The following SGSM1 variants were observed in gnomAD, a reference collection of about 807,000 sequenced individuals.
SGSM1 encodes RUN and TBC1 domain containing 2.
Under a neutral mutation model 133.8 loss-of-function variants are expected in SGSM1, and 73 were observed. The ratio of observed to expected loss-of-function variants is 0.55; its 90% CI spans 0.45 to 0.66. The LOEUF is 0.66. Among genes scored for constraint, SGSM1 ranks in the 30% least tolerant of loss-of-function variants. The pLI, the probability that SGSM1 is intolerant of heterozygous loss-of-function variation, is 0.00. For missense variants in SGSM1, 1,213 were observed against 1,448.1 expected, an observed-to-expected ratio of 0.84 and a Z score of 2.64; for synonymous variants, 563 against 573.0, an observed-to-expected ratio of 0.98 and a Z score of 0.25.
intron 5 of SGSM1, among the ~76,000 whole-genome samples, chr22:24,851,204 G>A (rs946754342): frequency 2.0e-5 from 3 of 152,044 alleles, no homozygotes; most frequent in Non-Finnish European, 4.4e-5. Context: ...TATAGTGTGA[G>A]CCCTCTTGGG....
intron 20 of SGSM1, among the ~76,000 whole-genome samples, chr22:24,903,208 CT>C (rs879539226): frequency 0.01 from 1,470 of 142,600 alleles, 9 homozygotes; most frequent in Non-Finnish European, 0.011. Flanking sequence ...TATGAATGTA[CT>C]TTTTTTTTTT....
rs746574213 is a variant in SGSM1 at position 24,855,393 on chromosome 22, T to C, written c.632T>C (p.Val211Ala). 17 of 1,613,402 alleles carry C rather than the reference T, an allele frequency of 1.1e-5. No homozygotes were observed. Among genetic ancestry groups the C allele is most frequent in the Non-Finnish European group, 1.4e-5 (16 of 1,179,798 alleles). Residue 211 changes from valine (V) to alanine (A), a missense_variant, in exon 7 of 25, where the codon GTG becomes GCG. Physicochemically the swap from Val to Ala is moderately conservative, Grantham distance 64. Transcript: ENST00000400358. ...AGGCACCGCATCCACAGCTCCCACGTGCGGCAGGACTCGCCCACCAAGCGT... is the reference window on the plus strand; with the variant it reads ...AGGCACCGCATCCACAGCTCCCACGCGCGGCAGGACTCGCCCACCAAGCGT... ...VQRHRIHSSH[V>A]RQDSPTKRPA...
At chr22:24,914,482 CA>C (rs139769) in intron 22 of SGSM1, among the ~76,000 whole-genome samples, 27 of 148,322 alleles carry the variant, frequency 1.8e-4, no homozygotes, top group South Asian at 1.7e-3. Flanking sequence ...TCCCCCCCCC[CA>C]AAAAAAAATT....
rs1486329619 is a variant in SGSM1, at chr22:24,898,486, C to A, written c.2537C>A (p.Ala846Asp). The A allele has an allele frequency of 4.3e-6, 7 of 1,613,770 alleles. No homozygotes were observed. The highest frequency in any genetic ancestry group is 1.6e-4 in the Middle Eastern group (1 of 6,082). ...EEPEMESLFP[A>D]LASLAVTTSA... is the part of the protein sequence containing the mutation. ...CCTGAGATGGAAAGTCTCTTCCCTG[C>A]CCTGGCTTCTCTGGCTGTGACTACT... Residue 846 changes from alanine to aspartate, a missense_variant, in exon 19 of 25, where the codon GCC (alanine) becomes GAC (aspartate). By Grantham distance (126) the Ala-to-Asp change is moderately radical. Coordinates refer to ENST00000400358, the MANE Select transcript of SGSM1 (RefSeq NM_001098497.3).
chr22:24,874,862 A>G (rs940829790), intron 12 of SGSM1, among the ~76,000 whole-genome samples: 2 of 152,218 alleles, frequency 1.3e-5, no homozygotes, highest in Non-Finnish European at 2.9e-5. Flanking sequence ...TGGTCAGTGC[A>G]TCCCTGAGAT....
At position 24,809,084 on chromosome 22, in the gene SGSM1, CT is replaced by C. The variant is rs367561669; in HGVS notation, c.63+2604del. On this transcript the variant is annotated intron_variant, in intron 2 of 24. Transcript: ENST00000400358. ...GAGGGAACAGGTTCCGTTCTTCTGT[CT>C]TTTGAGTTCCTATTCAACATAGGTA... Among the ~76,000 whole-genome samples, 549 of 152,312 alleles carry C rather than the reference CT, an allele frequency of 3.6e-3. 4 individuals are homozygous for C. The highest frequency in any genetic ancestry group is 0.012 in the African/African-American group (499 of 41,556).
intron 2 of SGSM1, among the ~76,000 whole-genome samples, chr22:24,841,211 C>T (rs1929790141): frequency 6.6e-6 from 1 of 152,232 alleles, no homozygotes; most frequent in Non-Finnish European, 1.5e-5. Context: ...TCTTCTTTGA[C>T]ACATTTATTA....
rs1371132173 is a variant in SGSM1 at position 24,859,710 on chromosome 22, C to T, written c.802-6C>T. 2 of 1,613,602 alleles carry T rather than the reference C, an allele frequency of 1.2e-6. No individual in the cohort carries two copies. Among genetic ancestry groups the T allele is most frequent in the African/African-American group, 2.7e-5 (2 of 74,940 alleles). ...TGGCCAGACCTGAGTCCTCCTCTCT[C>T]TGCAGAGGGACGACATGGAGGCTGT... On this transcript the variant is annotated splice_polypyrimidine_tract_variant and splice_region_variant and intron_variant, in intron 8 of 24. Transcript: ENST00000400358.
At chr22:24,858,458 C>G (rs1930932624) in intron 8 of SGSM1, among the ~76,000 whole-genome samples, 1 of 151,756 alleles carries the variant, frequency 6.6e-6, no homozygotes, top group Non-Finnish European at 1.5e-5. Flanking sequence ...CTACTAAAAC[C>G]TTATCTTTAC....
intron 13 of SGSM1, 74 bp from the exon 14 acceptor site, chr22:24,879,388 G>A (rs528242717): frequency 2.1e-5 from 30 of 1,432,896 alleles, no homozygotes; most frequent in Middle Eastern, 3.7e-4. Flanking sequence ...GAGATAGCAC[G>A]TGGTTATCCT....
chr22:24,818,853 A>C (rs1459726200), intron 2 of SGSM1, among the ~76,000 whole-genome samples: 1 of 152,040 alleles, frequency 6.6e-6, no homozygotes, highest in Non-Finnish European at 1.5e-5. Context: ...TCTGATAAAA[A>C]TAACAATAAT....
intron 8 of SGSM1, among the ~76,000 whole-genome samples, chr22:24,859,263 G>A (rs1930986292): frequency 6.7e-6 from 1 of 148,734 alleles, no homozygotes; most frequent in Admixed American, 6.6e-5. Flanking sequence ...GGAGTGTAGG[G>A]GGGGTTTTTG....
chr22:24,873,948 C>T (rs749064439), intron 12 of SGSM1, among the ~76,000 whole-genome samples: 1 of 152,134 alleles, frequency 6.6e-6, no homozygotes, highest in Non-Finnish European at 1.5e-5. Context: ...CTCTCCATGC[C>T]TCAGTTTTCT....
intron 16 of SGSM1, among the ~76,000 whole-genome samples, chr22:24,887,677 T>C (rs989034273): frequency 2.5e-4 from 34 of 134,764 alleles, no homozygotes; most frequent in African/African-American, 9.5e-4. Context: ...CAGTAGCACA[T>C]GCCTTTAGTC....
intron 12 of SGSM1, chr22:24,874,591 G>A: frequency 6.3e-7 from 1 of 1,579,384 alleles, no homozygotes; most frequent in East Asian, 2.3e-5. Flanking sequence ...TAATGTCTGG[G>A]ATCTCCCCGT....
chr22:24,884,253 C>G lies in SGSM1; in HGVS notation c.1641+55C>G, dbSNP rs1245980499. On this transcript the variant is annotated intron_variant, in intron 15 of 24. Transcript: ENST00000400358. Reference sequence around the variant, plus strand: ...GATGCAGAGGCTGCAGGGGGGTCATCTTATTATCTGAGAAATAAGCCCACA... The same window carrying G: ...GATGCAGAGGCTGCAGGGGGGTCATGTTATTATCTGAGAAATAAGCCCACA... 1.9e-6 allele frequency: 3 copies of G among 1,551,736 alleles called. No individual in the cohort carries two copies. In the African/African-American group the frequency reaches 4.1e-5, roughly 21 times the overall value.
chr22:24,836,687 A>G (rs554388942), intron 2 of SGSM1, among the ~76,000 whole-genome samples: 6 of 152,278 alleles, frequency 3.9e-5, no homozygotes, highest in Non-Finnish European at 8.8e-5. Context: ...TGCATTTCCC[A>G]TTGAACATCT....
At position 24,885,936 on chromosome 22, in the gene SGSM1, G is replaced by A. The variant is rs112765726; in HGVS notation, c.1642-664G>A. Among the ~76,000 whole-genome samples, 1,066 of 152,316 alleles carry A rather than the reference G, an allele frequency of 7.0e-3. 18 individuals carry two copies. Among genetic ancestry groups the A allele is most frequent in the African/African-American group, 0.024 (1,016 of 41,562 alleles). On this transcript the variant is annotated intron_variant, in intron 15 of 24. Transcript: ENST00000400358. ...TCTGAGGGCTAGGTCCAAGAAGCAGGACTGCTGGACCACGGAAGTAGATCA... is the reference window on the plus strand; with the variant it reads ...TCTGAGGGCTAGGTCCAAGAAGCAGAACTGCTGGACCACGGAAGTAGATCA...
intron 19 of SGSM1, among the ~76,000 whole-genome samples, chr22:24,899,778 C>T (rs545194389): frequency 6.6e-5 from 10 of 152,044 alleles, no homozygotes; most frequent in Non-Finnish European, 1.3e-4. Context: ...GCCTTGGCCT[C>T]CCAAAGTGCT....
Sources: allele counts gnomAD v4.1 joint callset (sites outside exome capture counted in the v4.1 genomes callset), GRCh38; gene constraint gnomAD v4.1.1; transcripts MANE v1.5; gene names NCBI Gene and HGNC (gene_info 2026-07-23, HGNC 2026-07-21).